The following ERBIN variants were observed in gnomAD, a reference collection of about 807,000 sequenced individuals.
ERBIN encodes the protein erbb2 interacting protein.
A neutral mutation model predicts 158.4 loss-of-function variants in ERBIN; 60 were observed. The ratio of observed to expected loss-of-function variants is 0.38; its 90% CI spans 0.31 to 0.47. ERBIN has a LOEUF of 0.47. ERBIN is among the 20% of genes least tolerant of loss of function. ERBIN has a pLI of 0.99. For missense variants in ERBIN, 1,610 were observed against 1,648.0 expected, an observed-to-expected ratio of 0.98 and a Z score of 0.40; for synonymous variants, 594 against 557.2, an observed-to-expected ratio of 1.07 and a Z score of -0.93.
At position 66,053,957 on chromosome 5, in the gene ERBIN, G is replaced by T. The variant is rs772523402; in HGVS notation, c.2639G>T (p.Gly880Val). The T allele has an allele frequency of 3.7e-6, 6 of 1,614,048 alleles. No individual in the cohort carries two copies. Among genetic ancestry groups the T allele is most frequent in the Non-Finnish European group, 5.1e-6 (6 of 1,180,010 alleles). The change falls in exon 21 of 26, where the codon GGG becomes GTG. Residue 880 changes from glycine to valine, a missense_variant. Around this residue, in one of 2 missense-constraint regions of ERBIN, gnomAD observed 1,014 missense variants for 936.1 expected, o/e 1.08. Coordinates refer to ENST00000284037, the MANE Select transcript of ERBIN (RefSeq NM_001253697.2). ...AGCATAACTAATATGGAGATTGGAG[G>T]GCTAAAAATCTATGATATTCTTAGT... Reference protein sequence around the residue: ...SHSITNMEIGGLKIYDILSDN... With the variant: ...SHSITNMEIGVLKIYDILSDN...
At position 65,942,321 on chromosome 5, in the gene ERBIN, T is replaced by C. The variant is rs544091255; in HGVS notation, c.-58+15515T>C. Among the ~76,000 whole-genome samples, 3 of 152,328 alleles carry C rather than the reference T, an allele frequency of 2.0e-5. No individual in the cohort carries two copies. The South Asian group carries it at 6.2e-4, about 32-fold the overall frequency. On this transcript the variant is annotated intron_variant, in intron 1 of 25. Coordinates refer to ENST00000284037, the MANE Select transcript of ERBIN (RefSeq NM_001253697.2). The stretch of plus-strand genomic sequence containing the variant: ...TTTTTTGCTTATTATACCAGCATTT[T>C]CCTAGGTATGTTCTGAAGAATACAG...
At chr5:65,935,130 C>T (rs1743923868) in intron 1 of ERBIN, among the ~76,000 whole-genome samples, 1 of 152,088 alleles carries the variant, frequency 6.6e-6, no homozygotes, top group South Asian at 2.1e-4. Flanking sequence ...ATATTTACAT[C>T]TATTTTTATT....
chr5:65,975,334 C>A (rs1053538629), intron 1 of ERBIN, among the ~76,000 whole-genome samples: 13 of 151,926 alleles, frequency 8.6e-5, no homozygotes, highest in Admixed American at 3.3e-4. Context: ...GCAATGGAGT[C>A]TCACTCTGTC....
chr5:65,956,530 C>T (rs1747157662), intron 1 of ERBIN, among the ~76,000 whole-genome samples: 1 of 150,616 alleles, frequency 6.6e-6, no homozygotes, highest in Non-Finnish European at 1.5e-5. Flanking sequence ...CACACACGCC[C>T]AGCTAATTTT....
At chr5:66,033,926 T>C (rs1757134001) in intron 14 of ERBIN, among the ~76,000 whole-genome samples, 1 of 151,948 alleles carries the variant, frequency 6.6e-6, no homozygotes, top group African/African-American at 2.4e-5. Flanking sequence ...CTGACCAATA[T>C]GGGGAAATCC....
intron 23 of ERBIN, among the ~76,000 whole-genome samples, chr5:66,075,790 A>G (rs1229836826): frequency 6.6e-6 from 1 of 151,804 alleles, no homozygotes; most frequent in African/African-American, 2.4e-5. Context: ...CTTTTTTTTT[A>G]GCTTGGTTAT....
At chr5:66,076,006 T>C (rs1761955257) in intron 23 of ERBIN, 1 of 294,696 alleles carries the variant, frequency 3.4e-6, no homozygotes, top group Admixed American at 4.9e-5. Flanking sequence ...GTTTATGTAC[T>C]ATGTCATATA....
At chr5:66,033,770 A>G (rs891735278) in intron 14 of ERBIN, among the ~76,000 whole-genome samples, 8 of 152,152 alleles carry the variant, frequency 5.3e-5, no homozygotes, top group African/African-American at 1.9e-4. Context: ...TTAATATTGC[A>G]GAGCATGTTT....
chr5:66,048,625 A>G, intron 18 of ERBIN, 42 bp from the exon 19 acceptor site: 1 of 1,128,640 alleles, frequency 8.9e-7, no homozygotes, highest in Admixed American at 2.2e-5. Context: ...ATTTAAAGAA[A>G]CAAAAATTTA....
At chr5:66,033,406 G>A (rs1393835989) in intron 14 of ERBIN, among the ~76,000 whole-genome samples, 1 of 152,154 alleles carries the variant, frequency 6.6e-6, no homozygotes, top group Non-Finnish European at 1.5e-5. Flanking sequence ...TAGACTAAGA[G>A]GCTTAAAGAG....
At chr5:66,010,078 A>G (rs937444717) in intron 4 of ERBIN, among the ~76,000 whole-genome samples, 1 of 152,058 alleles carries the variant, frequency 6.6e-6, no homozygotes, top group Non-Finnish European at 1.5e-5. Context: ...ATTTCTTGAC[A>G]TCCTCACAAA....
intron 1 of ERBIN, among the ~76,000 whole-genome samples, chr5:65,939,506 C>G (rs1404137837): frequency 2.0e-5 from 3 of 149,826 alleles, no homozygotes; most frequent in Non-Finnish European, 4.4e-5. Flanking sequence ...TGCCTCCGCT[C>G]TCCCTCTCCC....
At chr5:65,963,202 A>G (rs970047004) in intron 1 of ERBIN, among the ~76,000 whole-genome samples, 2 of 152,228 alleles carry the variant, frequency 1.3e-5, no homozygotes, top group Admixed American at 6.5e-5. Context: ...AGGTGAATAA[A>G]TTACTTTTTT....
chr5:66,039,739 A>T (rs565490333), intron 15 of ERBIN, among the ~76,000 whole-genome samples: 1 of 152,048 alleles, frequency 6.6e-6, no homozygotes, highest in South Asian at 2.1e-4. Context: ...TGTATTGCTT[A>T]ATTTGGAGAT....
In ERBIN at chr5:66,025,463, GTT is replaced by G. The variant is rs908627959; in HGVS notation, c.818-15_818-14del. On this transcript the variant is annotated splice_polypyrimidine_tract_variant and intron_variant, in intron 10 of 25. Transcript: ENST00000284037. ...ATTTTAAGCTGAAAAATTGTATGTTGTTTCTTCCCTCATTAGGTTCGTTGAAG... is the reference window on the plus strand; with the variant it reads ...ATTTTAAGCTGAAAAATTGTATGTTGTCTTCCCTCATTAGGTTCGTTGAAG... The G allele has an allele frequency of 2.5e-6, 4 of 1,590,900 alleles. No individual in the cohort carries two copies. Among genetic ancestry groups the G allele is most frequent in the Non-Finnish European group, 3.4e-6 (4 of 1,159,838 alleles).
chr5:66,069,706 A>G (rs1354600483), intron 21 of ERBIN, among the ~76,000 whole-genome samples: 1 of 152,188 alleles, frequency 6.6e-6, no homozygotes, highest in Non-Finnish European at 1.5e-5. Context: ...CATGGTCTCT[A>G]GAATATTTCC....
chr5:66,043,334 T>C, intron 16 of ERBIN, 136 bp downstream of exon 16: 2 of 812,576 alleles, frequency 2.5e-6, no homozygotes, highest in Non-Finnish European at 3.7e-6. Context: ...TGAAGTGTTA[T>C]TGATTCCAAA....
intron 18 of ERBIN, among the ~76,000 whole-genome samples, chr5:66,047,078 A>G (rs1191071093): frequency 1.3e-5 from 2 of 152,096 alleles, no homozygotes; most frequent in Non-Finnish European, 2.9e-5. Flanking sequence ...CTTTTAGAAC[A>G]TGTTTCTCAC....
Position 66,035,963 on chromosome 5 carries a change from C to CCTGTA in ERBIN, c.1207-2419_1207-2415dup, listed in dbSNP as rs541477435. On this transcript the variant is annotated intron_variant, in intron 14 of 25. Transcript: ENST00000284037. ...AAATAGCCAGGCACAGTGGCACATA[C>CCTGTA]CTGTAGTACCAGCTCCTTGGGAGGC... Among the ~76,000 whole-genome samples the CCTGTA allele has an allele frequency of 9.9e-5, 15 of 152,186 alleles. No individual in the cohort carries two copies. The South Asian group carries it at 3.1e-3, about 32-fold the overall frequency.
Sources: allele counts gnomAD v4.1 joint callset (sites outside exome capture counted in the v4.1 genomes callset), GRCh38; gene constraint gnomAD v4.1.1; regional missense constraint gnomAD v4.1.1; transcripts MANE v1.5; gene names NCBI Gene and HGNC (gene_info 2026-07-23, HGNC 2026-07-21).